Variants in KCTD16 observed in about 807,000 individuals in gnomAD.
The protein encoded by KCTD16 is BTB/POZ domain-containing protein KCTD16.
In KCTD16, 13 loss-of-function variants were observed where a neutral mutation model predicts 33.2. The observed-to-expected ratio is 0.39, with a 90% CI of 0.25 to 0.62. The LOEUF (loss-of-function observed/expected upper bound fraction) is 0.62. KCTD16 is among the 20% of genes least tolerant of loss of function. The pLI is 0.50. For missense variants in KCTD16, 441 were observed against 525.1 expected, an observed-to-expected ratio of 0.84 and a Z score of 1.57; for synonymous variants, 197 against 195.3, an observed-to-expected ratio of 1.01 and a Z score of -0.07.
In KCTD16 at chr5:144,478,807, C is replaced by T. The variant is rs1363738882; in HGVS notation, c.*4693C>T. ...CATTATTCATTATCTTAAGAGAAAA[C>T]ACCCAAAGAAAAATATCCTAAGACT... On this transcript the variant is annotated 3_prime_UTR_variant, in exon 4 of 4. Coordinates refer to ENST00000512467, the MANE Select transcript of KCTD16 (RefSeq NM_020768.4). The T allele has an allele frequency of 1.3e-5, 2 of 151,938 alleles. No homozygotes were observed. The highest frequency in any genetic ancestry group is 6.6e-5 in the Admixed American group (1 of 15,230). 9.4% of individuals were successfully genotyped at this position (151,938 alleles called of 1,614,324 possible). A position where few individuals can be genotyped will look rare whatever the true frequency, so the allele number is the denominator to read the frequency against.
intron 3 of KCTD16, among the ~76,000 whole-genome samples, chr5:144,447,736 C>T (rs1580972740): frequency 6.6e-6 from 1 of 151,896 alleles, no homozygotes; most frequent in East Asian, 1.9e-4. Context: ...CAATGAAACA[C>T]AGTATAAAGT....
chr5:144,474,064 G>C lies in KCTD16; in HGVS notation c.1237G>C (p.Glu413Gln). ...AATCAAAATTCCAGATCGGTTTCCT[G>C]AGAGAAAACATCCTTGGCAATCTGA... ...LKIKIPDRFP[E>Q]RKHPWQSELL... Residue 413 changes from glutamate (E) to glutamine (Q), a missense_variant, in exon 4 of 4, where the codon GAG becomes CAG. Glu to Gln is a conservative substitution (Grantham distance 29). Coordinates refer to ENST00000512467, the MANE Select transcript of KCTD16 (RefSeq NM_020768.4). 3.7e-6 allele frequency: 6 copies of C among 1,613,062 alleles called. No homozygotes were observed. Among genetic ancestry groups the C allele is most frequent in the Non-Finnish European group, 5.1e-6 (6 of 1,179,576 alleles).
At chr5:144,439,626 GT>G in intron 3 of KCTD16, 1 of 195,750 alleles carries the variant, frequency 5.1e-6, no homozygotes. Flanking sequence ...GCTGGTAACA[GT>G]TTTGCTTCTT....
chr5:144,250,842 TATTATGC>T (rs961867912), intron 3 of KCTD16, among the ~76,000 whole-genome samples: 2 of 152,196 alleles, frequency 1.3e-5, no homozygotes, highest in African/African-American at 4.8e-5. Context: ...CTATATGTAT[TATTATGC>T]ATAATTGCAT....
At chr5:144,343,681 A>G (rs963088086) in intron 3 of KCTD16, among the ~76,000 whole-genome samples, 2 of 151,996 alleles carry the variant, frequency 1.3e-5, no homozygotes, top group African/African-American at 4.8e-5. Context: ...TAGGGTGTCA[A>G]TTTTGGATCT....
At chr5:144,411,321 T>C (rs977816839) in intron 3 of KCTD16, among the ~76,000 whole-genome samples, 25 of 152,112 alleles carry the variant, frequency 1.6e-4, no homozygotes, top group African/African-American at 6.0e-4. Context: ...ATCATAATAG[T>C]GGCATAAAAA....
At chr5:144,340,036 G>T (rs1365737344) in intron 3 of KCTD16, among the ~76,000 whole-genome samples, 1 of 152,024 alleles carries the variant, frequency 6.6e-6, no homozygotes, top group Non-Finnish European at 1.5e-5. Context: ...GGGGGCCTGT[G>T]GGTAAATCTC....
chr5:144,305,141 T>C (rs1235736187), intron 3 of KCTD16, among the ~76,000 whole-genome samples: 1 of 152,092 alleles, frequency 6.6e-6, no homozygotes, highest in Non-Finnish European at 1.5e-5. Context: ...TAAGACCCTC[T>C]CTTAACCTCA....
rs76221983 is a variant in KCTD16 at position 144,281,189 on chromosome 5, C to A, written c.832+73643C>A. Among the ~76,000 whole-genome samples the A allele has an allele frequency of 2.4e-4, 37 of 152,258 alleles. No individual in the cohort carries two copies. In the East Asian group the frequency reaches 7.0e-3, roughly 29 times the overall value. On this transcript the variant is annotated intron_variant, in intron 3 of 3. Transcript: ENST00000512467. ...AGACCGAGACTCCGTCTCAAAAAAT[C>A]AAAAGTTTTCCATTTTATTTTTATT...
At chr5:144,466,605 T>G (rs1426690162) in intron 3 of KCTD16, among the ~76,000 whole-genome samples, 1 of 152,098 alleles carries the variant, frequency 6.6e-6, no homozygotes, top group African/African-American at 2.4e-5. Flanking sequence ...TAAATATCCC[T>G]CATAGAAAAT....
At chr5:144,311,963 C>G (rs1279706165) in intron 3 of KCTD16, among the ~76,000 whole-genome samples, 2 of 151,334 alleles carry the variant, frequency 1.3e-5, no homozygotes, top group African/African-American at 4.9e-5. Context: ...TTTTCTATTA[C>G]TAAGTGTTTT....
rs146091760 is a variant in KCTD16, at chr5:144,217,048, A to G, written c.832+9502A>G. 2.6e-3 allele frequency among the ~76,000 whole-genome samples: 402 copies of G among 152,300 alleles called. 1 individual carries two copies. The highest frequency in any genetic ancestry group is 4.2e-3 in the Non-Finnish European group (289 of 68,028). On this transcript the variant is annotated intron_variant, in intron 3 of 3. Transcript: ENST00000512467. ...ACTAAAGGAAATTAGGCATATGGATATTAAAATGTGGCAGAGGCATGGAAT... is the reference window on the plus strand; with the variant it reads ...ACTAAAGGAAATTAGGCATATGGATGTTAAAATGTGGCAGAGGCATGGAAT...
At chr5:144,291,275 A>G (rs1021877109) in intron 3 of KCTD16, among the ~76,000 whole-genome samples, 11 of 152,140 alleles carry the variant, frequency 7.2e-5, no homozygotes, top group African/African-American at 2.4e-4. Flanking sequence ...GCTTTCTTAA[A>G]GCACTCTAAA....
At chr5:144,338,903 T>C (rs28594872) in intron 3 of KCTD16, among the ~76,000 whole-genome samples, 13,086 of 152,226 alleles carry the variant, frequency 0.086, 1,387 homozygotes, top group African/African-American at 0.25. Flanking sequence ...AAAAGGGGCA[T>C]TTGGAAAGCA....
rs115120911 is a variant in KCTD16, at chr5:144,430,105, G to A, written c.833-43555G>A. ...CTGAATCTATATGATATCTTCAGGG[G>A]CATCGTACCTGTGTAAGCCCTTGTG... On this transcript the variant is annotated intron_variant, in intron 3 of 3. Transcript: ENST00000512467. Among the ~76,000 whole-genome samples the A allele has an allele frequency of 5.2e-3, 796 of 152,096 alleles. 7 individuals are homozygous for A. Among genetic ancestry groups the A allele is most frequent in the African/African-American group, 0.018 (763 of 41,500 alleles).
intron 3 of KCTD16, among the ~76,000 whole-genome samples, chr5:144,353,922 T>A (rs1175328372): frequency 6.6e-6 from 1 of 152,150 alleles, no homozygotes; most frequent in Non-Finnish European, 1.5e-5. Flanking sequence ...GGTATACATA[T>A]CTTTTTCATT....
At chr5:144,463,042 T>A (rs1198176318) in intron 3 of KCTD16, among the ~76,000 whole-genome samples, 3 of 152,224 alleles carry the variant, frequency 2.0e-5, no homozygotes, top group Non-Finnish European at 4.4e-5. Context: ...TCCCCTCTTT[T>A]AAAAATTCTA....
intron 3 of KCTD16, among the ~76,000 whole-genome samples, chr5:144,343,036 T>G (rs1312354738): frequency 1.3e-5 from 2 of 152,228 alleles, no homozygotes; most frequent in African/African-American, 4.8e-5. Flanking sequence ...TGGTCTAAAA[T>G]TCTCTTTTTG....
intron 3 of KCTD16, among the ~76,000 whole-genome samples, chr5:144,256,478 A>G (rs1349710242): frequency 3.9e-5 from 6 of 152,334 alleles, no homozygotes; most frequent in African/African-American, 1.4e-4. Context: ...GTCAAACAGA[A>G]TCACCCATAG....
Sources: gnomAD v4.1 joint callset for allele counts (sites outside exome capture counted in the v4.1 genomes callset) on GRCh38, gnomAD v4.1.1 for gene constraint, MANE v1.5 for transcripts, NCBI Gene and HGNC (gene_info 2026-07-23, HGNC 2026-07-21) for gene names.